TMEM132B: variants seen among roughly 807,000 people sequenced by gnomAD.
TMEM132B encodes transmembrane protein 132B.
A neutral mutation model predicts 90.8 loss-of-function variants in TMEM132B; 18 were observed. The observed-to-expected ratio is 0.20, with a 90% CI of 0.14 to 0.29. The LOEUF (loss-of-function observed/expected upper bound fraction) is 0.29. TMEM132B is among the 10% of genes least tolerant of loss of function. TMEM132B has a pLI of 1.00. For synonymous variants in TMEM132B, 504 were observed against 523.3 expected, an observed-to-expected ratio of 0.96 and a Z score of 0.50; for missense variants, 1,096 against 1,326.8, an observed-to-expected ratio of 0.83 and a Z score of 2.70.
At position 125,409,606 on chromosome 12, in the gene TMEM132B, AGT is replaced by A. The variant is rs1195778742; in HGVS notation, c.960-5923_960-5922del. Among the ~76,000 whole-genome samples, 89 of 105,258 alleles carry A rather than the reference AGT, an allele frequency of 8.5e-4. 6 individuals carry two copies. The highest frequency in any genetic ancestry group is 3.2e-3 in the African/African-American group (74 of 23,026). The allele number at this position is 105,258 out of a possible 152,430, so 69.1% of individuals were successfully genotyped here. A position where few individuals can be genotyped will look rare whatever the true frequency, so the allele number is the denominator to read the frequency against. On this transcript the variant is annotated intron_variant, in intron 2 of 8. Transcript: ENST00000682704. ...GGAGTGGAGTGGAGTGGAGGAGTGG[AGT>A]GGAGTGGAGTGGAGGAGTGGAGTGG...
intron 3 of TMEM132B, among the ~76,000 whole-genome samples, chr12:125,421,807 T>C (rs1880175134): frequency 6.6e-6 from 1 of 152,252 alleles, no homozygotes; most frequent in South Asian, 2.1e-4. Context: ...ACAGTTACCA[T>C]ATCAAGTGCC....
intron 5 of TMEM132B, among the ~76,000 whole-genome samples, chr12:125,618,491 T>C (rs745424059): frequency 5.3e-5 from 8 of 152,192 alleles, no homozygotes; most frequent in Non-Finnish European, 8.8e-5. Flanking sequence ...CACATCTGTC[T>C]GAAATAGAGA....
At chr12:125,537,982 T>A (rs1403706009) in intron 4 of TMEM132B, among the ~76,000 whole-genome samples, 3 of 152,168 alleles carry the variant, frequency 2.0e-5, no homozygotes, top group African/African-American at 7.2e-5. Context: ...ATCTCCACAC[T>A]GTGCCCATCC....
chr12:125,562,891 T>C (rs964215253), intron 4 of TMEM132B, among the ~76,000 whole-genome samples: 3 of 152,072 alleles, frequency 2.0e-5, no homozygotes, highest in African/African-American at 7.2e-5. Context: ...CAGTCTTGGG[T>C]ATGTCTTTAT....
intron 1 of TMEM132B, among the ~76,000 whole-genome samples, chr12:125,216,280 G>T (rs1873435211): frequency 6.6e-6 from 1 of 152,294 alleles, no homozygotes; most frequent in East Asian, 1.9e-4. Context: ...GTAGAGGGTG[G>T]GTGGGGAGGC....
Position 125,653,961 on chromosome 12 carries a change from G to A in TMEM132B, c.2503G>A (p.Glu835Lys). The change falls in exon 9 of 9, where the codon GAA (glutamate) becomes AAA (lysine). Residue 835 changes from glutamate (E) to lysine (K), a missense_variant. Glu to Lys is a moderately conservative substitution (Grantham distance 56, BLOSUM62 1). Transcript: ENST00000682704. ...AGGAAACCAGGAGAGAGCAGTCCAGGAATGGTTCCACCGTGGCACACCTGT... is the reference window on the plus strand; with the variant it reads ...AGGAAACCAGGAGAGAGCAGTCCAGAAATGGTTCCACCGTGGCACACCTGT... ...REGNQERAVQ[E>K]WFHRGTPVGQ... The A allele has an allele frequency of 6.2e-7, 1 of 1,614,168 alleles. No individual in the cohort carries two copies. The highest frequency in any genetic ancestry group is 1.6e-4 in the Middle Eastern group (1 of 6,062).
At chr12:125,293,425 G>A (rs1875592842) in intron 1 of TMEM132B, among the ~76,000 whole-genome samples, 1 of 138,206 alleles carries the variant, frequency 7.2e-6, no homozygotes, top group Admixed American at 7.3e-5. Flanking sequence ...ATACCCAGTA[G>A]GTAGTTTTTC....
chr12:125,627,130 G>A (rs774050114), intron 5 of TMEM132B, among the ~76,000 whole-genome samples: 1 of 151,932 alleles, frequency 6.6e-6, no homozygotes, highest in African/African-American at 2.4e-5. Context: ...TTTATTTCTA[G>A]AATTTCCATT....
intron 6 of TMEM132B, among the ~76,000 whole-genome samples, chr12:125,649,289 T>C (rs978430649): frequency 2.0e-5 from 3 of 152,238 alleles, no homozygotes; most frequent in Non-Finnish European, 2.9e-5. Flanking sequence ...GCCAGCTATC[T>C]GGGCTACATA....
In TMEM132B at chr12:125,186,643, C is replaced by T. The variant is rs1957761956; in HGVS notation, c.-157C>T. Among the ~76,000 whole-genome samples, 1 of 146,766 alleles carries T rather than the reference C, an allele frequency of 6.8e-6. No individual in the cohort carries two copies. Among genetic ancestry groups the T allele is most frequent in the Admixed American group, 6.8e-5 (1 of 14,776 alleles). ...AGAGGCGCAGCCGAGGAAGCGCCGC[C>T]AGCGCCGGCGCATGCGTCTGGGGAG... On this transcript the variant is annotated 5_prime_UTR_variant, in exon 1 of 9. The change creates a premature stop within an existing upstream ORF in the 5' untranslated region. Transcript: ENST00000682704. This position sits in a 1 kb window ranked among gnomAD's most constrained non-coding sequence, Gnocchi z 6.3.
chr12:125,566,791 C>A (rs1487769258), intron 4 of TMEM132B, among the ~76,000 whole-genome samples: 2 of 149,102 alleles, frequency 1.3e-5, no homozygotes, highest in Non-Finnish European at 1.5e-5. Flanking sequence ...TTCTCTCTTT[C>A]TCGATTCCTC....
intron 5 of TMEM132B, among the ~76,000 whole-genome samples, chr12:125,626,877 C>T (rs1349945193): frequency 6.7e-6 from 1 of 149,512 alleles, no homozygotes; most frequent in Non-Finnish European, 1.5e-5. Context: ...ATAGTTTTTT[C>T]AAATATTTTT....
intron 6 of TMEM132B, among the ~76,000 whole-genome samples, chr12:125,649,575 C>T (rs977994539): frequency 1.1e-4 from 17 of 152,150 alleles, no homozygotes; most frequent in Non-Finnish European, 2.4e-4. Flanking sequence ...TAAATATGCA[C>T]GGCTGTTGTG....
In TMEM132B at chr12:125,560,831, C is replaced by CAAAAAAAAAAAAA. The variant is rs58083131; in HGVS notation, c.1294-23003_1294-22991dup. Reference sequence around the variant, plus strand: ...TGGGTGACAGAGCGAGACTCTGTCTCAAAAAAAAAAAAAAAAAAAAAAAAA... The same window carrying CAAAAAAAAAAAAA: ...TGGGTGACAGAGCGAGACTCTGTCTCAAAAAAAAAAAAAAAAAAAAAAAAAAAAAAAAAAAAAA... On this transcript the variant is annotated intron_variant, in intron 4 of 8. Coordinates refer to ENST00000682704, the MANE Select transcript of TMEM132B (RefSeq NM_001366854.1). 1.1e-3 allele frequency among the ~76,000 whole-genome samples: 32 copies of CAAAAAAAAAAAAA among 29,258 alleles called. 11 individuals carry two copies. Among genetic ancestry groups the CAAAAAAAAAAAAA allele is most frequent in the East Asian group, 0.01 (5 of 490 alleles). 19.2% of individuals were successfully genotyped at this position (29,258 alleles called of 152,430 possible).
intron 1 of TMEM132B, among the ~76,000 whole-genome samples, chr12:125,269,220 G>A (rs559170167): frequency 3.3e-5 from 5 of 152,296 alleles, no homozygotes; most frequent in African/African-American, 4.8e-5. Context: ...AGCATTGCCA[G>A]TGACTCGGGC....
chr12:125,201,410 C>T lies in TMEM132B; in HGVS notation c.67+14544C>T, dbSNP rs952648069. ...TTTCTTGTCCTTCAAGTTTTCCTTA[C>T]TCCTCTTACTCCCTTTCTTTCTTCA... On this transcript the variant is annotated intron_variant, in intron 1 of 8. Transcript: ENST00000682704. Among the ~76,000 whole-genome samples, 4 of 152,234 alleles carry T rather than the reference C, an allele frequency of 2.6e-5. No individual in the cohort carries two copies. In the South Asian group the frequency reaches 8.3e-4, roughly 31 times the overall value.
intron 1 of TMEM132B, among the ~76,000 whole-genome samples, chr12:125,343,998 G>C (rs1408223817): frequency 6.6e-6 from 1 of 152,196 alleles, no homozygotes; most frequent in Non-Finnish European, 1.5e-5. Context: ...AGTCTTAATT[G>C]ATGGACATTC....
intron 2 of TMEM132B, among the ~76,000 whole-genome samples, chr12:125,351,990 C>A (rs549345612): frequency 6.6e-6 from 1 of 152,174 alleles, no homozygotes; most frequent in South Asian, 2.1e-4. Flanking sequence ...TCTAGCACCC[C>A]CTATTGACAG....
At chr12:125,205,686 C>A (rs11058066) in intron 1 of TMEM132B, among the ~76,000 whole-genome samples, 44,551 of 152,218 alleles carry the variant, frequency 0.29, 7,067 homozygotes, top group East Asian at 0.46. Flanking sequence ...CTGGCAGCTT[C>A]AGAGCAGCCC....
Sources: allele counts gnomAD v4.1 joint callset (sites outside exome capture counted in the v4.1 genomes callset), GRCh38; gene constraint gnomAD v4.1.1; non-coding constraint Gnocchi (gnomAD v3.1); transcripts MANE v1.5; gene names NCBI Gene and HGNC (gene_info 2026-07-23, HGNC 2026-07-21).